The following JARID2 variants were observed in gnomAD, a reference collection of about 807,000 sequenced individuals.
The protein encoded by JARID2 is jumonji and AT-rich interaction domain containing 2.
A neutral mutation model predicts 125.6 loss-of-function variants in JARID2; 21 were observed. That is an observed-to-expected ratio of 0.17 (90% confidence interval 0.12 to 0.24). The LOEUF is 0.24. Among genes scored for constraint, JARID2 ranks in the 10% least tolerant of loss-of-function variants. JARID2 has a pLI of 1.00. For missense variants in JARID2, 1,303 were observed against 1,639.6 expected, an observed-to-expected ratio of 0.79 and a Z score of 3.55; for synonymous variants, 736 against 661.6, an observed-to-expected ratio of 1.11 and a Z score of -1.73.
intron 2 of JARID2, among the ~76,000 whole-genome samples, chr6:15,393,336 A>C (rs1765095988): frequency 6.6e-6 from 1 of 152,356 alleles, no homozygotes; most frequent in African/African-American, 2.4e-5. Flanking sequence ...GCTGAGTTCA[A>C]AATTATCTTT....
rs140444108 is a variant in JARID2 at position 15,319,139 on chromosome 6, G to C, written c.46-54978G>C. 2.6e-3 allele frequency among the ~76,000 whole-genome samples: 397 copies of C among 152,288 alleles called. 4 individuals carry two copies. Among genetic ancestry groups the C allele is most frequent in the African/African-American group, 9.2e-3 (383 of 41,558 alleles). ...CTTTCTTGCAGGGAGAGAGGATGCT[G>C]TCTGTCTGTCTCTCATATGTATATA... On this transcript the variant is annotated intron_variant, in intron 1 of 17. Transcript: ENST00000341776.
intron 5 of JARID2, among the ~76,000 whole-genome samples, chr6:15,469,048 A>G (rs1229668987): frequency 6.6e-6 from 1 of 152,042 alleles, no homozygotes; most frequent in Non-Finnish European, 1.5e-5. Flanking sequence ...CCCTTTAATT[A>G]CTAATGTGAT....
intron 3 of JARID2, among the ~76,000 whole-genome samples, chr6:15,419,828 A>G (rs748306020): frequency 1.3e-4 from 20 of 152,204 alleles, no homozygotes; most frequent in Admixed American, 1.3e-3. Flanking sequence ...GCAATTTGAT[A>G]CGATGTGCCT....
chr6:15,514,250 G>A (rs1292703572), intron 16 of JARID2, among the ~76,000 whole-genome samples: 1 of 152,222 alleles, frequency 6.6e-6, no homozygotes, highest in East Asian at 1.9e-4. Context: ...GGGTAGGGAC[G>A]CCCAGCTGGC....
intron 2 of JARID2, 118 bp downstream of exon 2, chr6:15,374,370 T>C (rs1256746761): frequency 9.6e-7 from 1 of 1,038,746 alleles, no homozygotes; most frequent in African/African-American, 1.6e-5. Context: ...CTAAAGGCAG[T>C]CTGTAGGCTA....
chr6:15,311,595 GA>G, intron 1 of JARID2, among the ~76,000 whole-genome samples: 1 of 152,074 alleles, frequency 6.6e-6, no homozygotes, highest in Non-Finnish European at 1.5e-5. Context: ...GAAAGAAAAA[GA>G]AAAAGTCTGA....
intron 7 of JARID2, among the ~76,000 whole-genome samples, chr6:15,499,385 G>A (rs1161547675): frequency 2.6e-5 from 4 of 152,204 alleles, no homozygotes; most frequent in Non-Finnish European, 5.9e-5. Context: ...GGGAGTGATC[G>A]CAGCGGATGA....
intron 2 of JARID2, among the ~76,000 whole-genome samples, chr6:15,384,183 C>G (rs567912296): frequency 1.3e-5 from 2 of 151,898 alleles, no homozygotes; most frequent in South Asian, 4.2e-4. Flanking sequence ...ATTGCAGCCT[C>G]GACTCTCAGG....
intron 1 of JARID2, among the ~76,000 whole-genome samples, chr6:15,309,495 C>T (rs113629642): frequency 4.6e-5 from 7 of 152,078 alleles, no homozygotes; most frequent in African/African-American, 1.4e-4. Context: ...AATTATGGAA[C>T]GTCTGTTCCG....
chr6:15,427,953 G>T (rs1421870239), intron 3 of JARID2, among the ~76,000 whole-genome samples: 1 of 151,764 alleles, frequency 6.6e-6, no homozygotes, highest in Admixed American at 6.6e-5. Context: ...GCAATTGCAA[G>T]TAGTGCACAG....
chr6:15,514,007 G>A (rs1771421668), intron 16 of JARID2, among the ~76,000 whole-genome samples: 1 of 152,252 alleles, frequency 6.6e-6, no homozygotes, highest in Non-Finnish European at 1.5e-5. Flanking sequence ...CCAGGCCACA[G>A]CAGGCTGCAT....
chr6:15,336,737 A>G (rs1050304228), intron 1 of JARID2, among the ~76,000 whole-genome samples: 1 of 151,038 alleles, frequency 6.6e-6, no homozygotes, highest in African/African-American at 2.4e-5. Flanking sequence ...AATTTAAGAG[A>G]TGAGGTCTCA....
chr6:15,251,802 AC>A (rs1759465307), intron 1 of JARID2, among the ~76,000 whole-genome samples: 3 of 152,084 alleles, frequency 2.0e-5, no homozygotes, highest in Non-Finnish European at 4.4e-5. Flanking sequence ...ACATGGTGAA[AC>A]CCCGTCTCTA....
intron 14 of JARID2, among the ~76,000 whole-genome samples, chr6:15,512,652 A>C (rs1207855287): frequency 6.6e-6 from 1 of 152,168 alleles, no homozygotes; most frequent in African/African-American, 2.4e-5. Context: ...GAAGATGCTC[A>C]AGGTAATTGC....
chr6:15,512,849 A>G, intron 14 of JARID2, 66 bp from the exon 15 acceptor site: 9 of 1,505,014 alleles, frequency 6.0e-6, no homozygotes, highest in Non-Finnish European at 7.2e-6. Context: ...CCCCTCCACC[A>G]AGAAGAACCT....
At chr6:15,394,145 AAG>A (rs1765128870) in intron 2 of JARID2, among the ~76,000 whole-genome samples, 1 of 152,134 alleles carries the variant, frequency 6.6e-6, no homozygotes, top group South Asian at 2.1e-4. Flanking sequence ...TTCAAACATA[AAG>A]AGAGTTCTTT....
intron 6 of JARID2, among the ~76,000 whole-genome samples, chr6:15,491,696 C>T (rs913605626): frequency 1.3e-5 from 2 of 152,172 alleles, no homozygotes; most frequent in African/African-American, 4.8e-5. Flanking sequence ...TCATCTTCTG[C>T]TCTGCCTTGG....
chr6:15,252,275 G>T (rs1759486052), intron 1 of JARID2, among the ~76,000 whole-genome samples: 1 of 152,026 alleles, frequency 6.6e-6, no homozygotes, highest in Non-Finnish European at 1.5e-5. Context: ...AAGTAGATTT[G>T]TCTGTCAGTT....
chr6:15,303,202 G>T (rs760428565), intron 1 of JARID2, among the ~76,000 whole-genome samples: 5 of 152,238 alleles, frequency 3.3e-5, no homozygotes, highest in Non-Finnish European at 7.3e-5. Flanking sequence ...CCAGCTTTCT[G>T]GTGGAATGTG....
Sources: allele counts gnomAD v4.1 joint callset (sites outside exome capture counted in the v4.1 genomes callset), GRCh38; gene constraint gnomAD v4.1.1; transcripts MANE v1.5; gene names NCBI Gene and HGNC (gene_info 2026-07-23, HGNC 2026-07-21).